The following GCNT2 variants were observed in gnomAD, a reference collection of about 807,000 sequenced individuals.
GCNT2 encodes the protein glucosaminyl (N-acetyl) transferase 2 (I blood group).
A neutral mutation model predicts 34.2 loss-of-function variants in GCNT2; 34 were observed. The observed-to-expected ratio is 1.00, with a 90% CI of 0.76 to 1.32. The LOEUF (loss-of-function observed/expected upper bound fraction) is 1.32, where lower values mean the gene tolerates loss of function less well. GCNT2 is among the 40% of genes most tolerant of loss of function. GCNT2 has a pLI of 0.00. For synonymous variants in GCNT2, 212 were observed against 188.0 expected (o/e 1.13, Z -1.04); for missense variants, 584 against 489.4 (o/e 1.19, Z -1.82).
At chr6:10,552,300 TAAA>T (rs55844045) in intron 3 of GCNT2, among the ~76,000 whole-genome samples, 3 of 142,484 alleles carry the variant, frequency 2.1e-5, no homozygotes, top group Non-Finnish European at 3.1e-5. Context: ...ATTATCATGT[TAAA>T]AAAAAAAAAA....
In GCNT2 at chr6:10,529,633, AT is replaced by A; in HGVS notation, c.724del (p.Ser242ProfsTer3). 1 of 1,614,140 alleles carries A rather than the reference AT, an allele frequency of 6.2e-7. No individual in the cohort carries two copies. The highest frequency in any genetic ancestry group is 8.5e-7 in the Non-Finnish European group (1 of 1,180,008). ...CACCAAGAACTGTTAAACCACAAAAATTCCTACGTGATTAAAACAACAAAAT... is the reference window on the plus strand; with the variant it reads ...CACCAAGAACTGTTAAACCACAAAAATCCTACGTGATTAAAACAACAAAAT... ...YVHQELLNHK[N>X]SYVIKTTKLK... On this transcript the variant is annotated frameshift_variant, in exon 3 of 5. Coordinates refer to ENST00000495262, the MANE Select transcript of GCNT2 (RefSeq NM_145649.5). LOFTEE classifies it high-confidence loss of function.
At chr6:10,525,535 T>C (rs1761143111) in intron 1 of GCNT2, among the ~76,000 whole-genome samples, 2 of 152,180 alleles carry the variant, frequency 1.3e-5, no homozygotes, top group Non-Finnish European at 2.9e-5. Flanking sequence ...TACAAGGGCA[T>C]TGGGAAAGCT....
intron 3 of GCNT2, among the ~76,000 whole-genome samples, chr6:10,565,102 G>A (rs1763218333): frequency 6.6e-6 from 1 of 152,182 alleles, no homozygotes; most frequent in South Asian, 2.1e-4. Flanking sequence ...GAGGGAATAG[G>A]GATCGCAAAG....
chr6:10,566,192 T>C (rs545711528), intron 3 of GCNT2, among the ~76,000 whole-genome samples: 6 of 152,228 alleles, frequency 3.9e-5, no homozygotes, highest in African/African-American at 1.2e-4. Flanking sequence ...CTTTTTTTTT[T>C]TTTTAATTCA....
intron 3 of GCNT2, among the ~76,000 whole-genome samples, chr6:10,577,346 C>G (rs977067128): frequency 3.9e-5 from 6 of 152,282 alleles, no homozygotes; most frequent in African/African-American, 1.4e-4. Context: ...TGACTACATT[C>G]CCTACCTTCG....
chr6:10,543,503 T>G (rs1466603843), intron 3 of GCNT2, among the ~76,000 whole-genome samples: 1 of 152,200 alleles, frequency 6.6e-6, no homozygotes, highest in Non-Finnish European at 1.5e-5. Context: ...CAATGTTAAT[T>G]CTATGTTTAA....
At chr6:10,556,513 T>C (rs1328210697) in intron 3 of GCNT2, 2 of 1,613,900 alleles carry the variant, frequency 1.2e-6, no homozygotes, top group African/African-American at 1.3e-5. Flanking sequence ...TTGGGGGAGA[T>C]CCAAGCTTCC....
intron 3 of GCNT2, chr6:10,587,018 T>G: frequency 1.2e-6 from 1 of 858,824 alleles, no homozygotes; most frequent in East Asian, 2.6e-5. Context: ...ATTTAAATAC[T>G]TAGAAAACTA....
rs2127448337 is a variant in GCNT2, at chr6:10,626,795, G to A, written c.*188G>A. On this transcript the variant is annotated 3_prime_UTR_variant, in exon 5 of 5. Coordinates refer to ENST00000495262, the MANE Select transcript of GCNT2 (RefSeq NM_145649.5). The stretch of plus-strand genomic sequence containing the variant: ...TGAAATACACTAACAGGATGGCTGG[G>A]TAGAGCAATCTGGGCACTTTGGCCA... 3.4e-6 allele frequency: 2 copies of A among 596,096 alleles called. No individual in the cohort carries two copies. Among genetic ancestry groups the A allele is most frequent in the South Asian group, 4.0e-5 (2 of 50,606 alleles). 36.9% of individuals were successfully genotyped at this position (596,096 alleles called of 1,614,324 possible).
intron 3 of GCNT2, among the ~76,000 whole-genome samples, chr6:10,597,503 G>C (rs146955380): frequency 1.1e-4 from 16 of 151,290 alleles, no homozygotes; most frequent in African/African-American, 3.6e-4. Context: ...ATCTGGAATT[G>C]GTCTGGAGAC....
intron 3 of GCNT2, among the ~76,000 whole-genome samples, chr6:10,532,117 G>C (rs1561780683): frequency 6.6e-6 from 1 of 152,184 alleles, no homozygotes; most frequent in South Asian, 2.1e-4. Flanking sequence ...AGGGAAGCAG[G>C]GCTGGGGAAG....
intron 3 of GCNT2, chr6:10,586,521 G>C: frequency 1.2e-6 from 2 of 1,614,180 alleles, no homozygotes; most frequent in Non-Finnish European, 1.7e-6. Flanking sequence ...GAAAGACCTT[G>C]TCGCCTCTGA....
chr6:10,559,976 C>A (rs922887712), intron 3 of GCNT2, among the ~76,000 whole-genome samples: 4 of 152,220 alleles, frequency 2.6e-5, no homozygotes, highest in Admixed American at 6.5e-5. Context: ...AGTGGAAAAT[C>A]TAATCCCACG....
chr6:10,556,094 G>C, intron 3 of GCNT2: 1 of 1,216,782 alleles, frequency 8.2e-7, no homozygotes, highest in Non-Finnish European at 1.0e-6. Context: ...TAAATCTGCC[G>C]GGGGAAAGAG....
chr6:10,557,382 G>C (rs369260097), intron 3 of GCNT2: 4 of 1,494,270 alleles, frequency 2.7e-6, no homozygotes, highest in Non-Finnish European at 3.7e-6. Flanking sequence ...GAAATGTGTC[G>C]TATTTGAAAG....
At chr6:10,525,915 G>A (rs766904823) in intron 1 of GCNT2, among the ~76,000 whole-genome samples, 8 of 152,150 alleles carry the variant, frequency 5.3e-5, no homozygotes, top group South Asian at 2.1e-4. Context: ...CAAGAATGAG[G>A]TAAGAGTCAA....
At chr6:10,615,453 C>G (rs902231926) in intron 3 of GCNT2, among the ~76,000 whole-genome samples, 14 of 152,034 alleles carry the variant, frequency 9.2e-5, no homozygotes, top group African/African-American at 2.7e-4. Context: ...CACCTGGGGC[C>G]CCAGGCGCAC....
intron 3 of GCNT2, among the ~76,000 whole-genome samples, chr6:10,540,984 T>G (rs1213200618): frequency 6.6e-6 from 1 of 152,168 alleles, no homozygotes; most frequent in Non-Finnish European, 1.5e-5. Flanking sequence ...CCATCCGTTT[T>G]GAGGACTGAA....
At chr6:10,565,722 T>TC (rs1258980805) in intron 3 of GCNT2, among the ~76,000 whole-genome samples, 5 of 151,862 alleles carry the variant, frequency 3.3e-5, no homozygotes, top group Non-Finnish European at 7.4e-5. Flanking sequence ...TAAATTCTTT[T>TC]CCCCCCACAC....
Sources: allele counts gnomAD v4.1 joint callset (sites outside exome capture counted in the v4.1 genomes callset), GRCh38; gene constraint gnomAD v4.1.1; transcripts MANE v1.5; gene names NCBI Gene and HGNC (gene_info 2026-07-23, HGNC 2026-07-21).